Variants in LRP1B observed in about 807,000 individuals in gnomAD.
LRP1B encodes the protein LDL receptor related protein 1B.
Under a neutral mutation model 556.6 loss-of-function variants are expected in LRP1B, and 217 were observed. The ratio of observed to expected loss-of-function variants is 0.39; its 90% confidence interval spans 0.35 to 0.44. LRP1B has a LOEUF of 0.44. LRP1B is among the 20% of genes least tolerant of loss of function. LRP1B has a pLI of 1.00. For missense variants in LRP1B, 5,053 were observed against 5,620.8 expected, an observed-to-expected ratio of 0.90 and a Z score of 3.23; for synonymous variants, 2,047 against 1,865.8, an observed-to-expected ratio of 1.10 and a Z score of -2.50.
chr2:140,661,376 T>C (rs1685085591), intron 41 of LRP1B, among the ~76,000 whole-genome samples: 1 of 151,742 alleles, frequency 6.6e-6, no homozygotes. Flanking sequence ...GTTTAAAAAT[T>C]GGGCTGGGCA....
At chr2:140,850,953 G>GTTT (rs1199344469) in intron 28 of LRP1B, among the ~76,000 whole-genome samples, 1 of 151,968 alleles carries the variant, frequency 6.6e-6, no homozygotes, top group African/African-American at 2.4e-5. Flanking sequence ...TGTTGTTGTT[G>GTTT]TCTTTCAGGT....
chr2:140,242,075 G>A (rs1328507490), intron 87 of LRP1B, among the ~76,000 whole-genome samples: 6 of 150,984 alleles, frequency 4.0e-5, no homozygotes, highest in Admixed American at 2.0e-4. Context: ...CCTTTCCATA[G>A]GAGAGCTAGT....
chr2:140,380,602 C>A (rs905629134), intron 67 of LRP1B, among the ~76,000 whole-genome samples: 7 of 152,188 alleles, frequency 4.6e-5, no homozygotes, highest in Non-Finnish European at 8.8e-5. Context: ...ACATGTCGTG[C>A]TTACATGTTT....
At chr2:141,932,883 C>T (rs1700543351) in intron 1 of LRP1B, among the ~76,000 whole-genome samples, 1 of 151,916 alleles carries the variant, frequency 6.6e-6, no homozygotes, top group Non-Finnish European at 1.5e-5. Flanking sequence ...TTTACATTTT[C>T]TGATTAATAT....
At chr2:140,543,608 A>G (rs1394227586) in intron 43 of LRP1B, among the ~76,000 whole-genome samples, 1 of 151,962 alleles carries the variant, frequency 6.6e-6, no homozygotes, top group African/African-American at 2.4e-5. Context: ...GAGGCACAAA[A>G]CAGGGGTGAT....
At chr2:140,786,568 G>C (rs1175747418) in intron 32 of LRP1B, among the ~76,000 whole-genome samples, 2 of 152,150 alleles carry the variant, frequency 1.3e-5, no homozygotes, top group Non-Finnish European at 2.9e-5. Context: ...TTGTGGCAGT[G>C]ACAGAATAGA....
At chr2:140,810,706 T>C (rs1437082000) in intron 32 of LRP1B, among the ~76,000 whole-genome samples, 1 of 152,138 alleles carries the variant, frequency 6.6e-6, no homozygotes, top group African/African-American at 2.4e-5. Context: ...GTATGTCCAG[T>C]TAACATATTG....
Position 140,370,742 on chromosome 2 carries a change from A to C in LRP1B, c.10976T>G (p.Val3659Gly), listed in dbSNP as rs1287606786. 6.2e-7 allele frequency: 1 copy of C among 1,612,912 alleles called. No individual in the cohort carries two copies. Among genetic ancestry groups the C allele is most frequent in the South Asian group, 1.1e-5 (1 of 91,050 alleles). The change falls in exon 71 of 91, where the codon GTG becomes GGG. Residue 3659 changes from valine to glycine, a missense_variant. Around this residue, in one of 5 missense-constraint regions of LRP1B, gnomAD observed 599 missense variants for 648.4 expected, o/e 0.92. Coordinates refer to ENST00000389484, the MANE Select transcript of LRP1B (RefSeq NM_018557.3). ...RWLCDGIHDC[V>G]DGSDEENCER... Reference sequence around the variant, plus strand: ...ACAGTTCTCTTCATCACTGCCATCCACACAGTCATGAATTCCATCACACAG... The same window carrying C: ...ACAGTTCTCTTCATCACTGCCATCCCCACAGTCATGAATTCCATCACACAG...
chr2:141,871,654 GC>G (rs1698590740), intron 1 of LRP1B, among the ~76,000 whole-genome samples: 1 of 152,078 alleles, frequency 6.6e-6, no homozygotes, highest in Admixed American at 6.6e-5. Flanking sequence ...AGTGTTGAAT[GC>G]TAAATTGTAT....
intron 2 of LRP1B, among the ~76,000 whole-genome samples, chr2:141,573,232 A>T (rs1000704687): frequency 6.6e-6 from 1 of 152,202 alleles, no homozygotes; most frequent in African/African-American, 2.4e-5. Flanking sequence ...AAATAACTGA[A>T]ATCATAACAG....
chr2:140,819,287 A>C (rs1404056708), intron 31 of LRP1B, among the ~76,000 whole-genome samples: 8 of 152,186 alleles, frequency 5.3e-5, no homozygotes, highest in Non-Finnish European at 1.2e-4. Context: ...TAATTTGGAG[A>C]TAATCTAATT....
At chr2:141,585,905 C>T (rs961461413) in intron 2 of LRP1B, among the ~76,000 whole-genome samples, 6 of 145,834 alleles carry the variant, frequency 4.1e-5, no homozygotes, top group Non-Finnish European at 7.5e-5. Context: ...TTTTTTAAGA[C>T]GAGGGTCTCG....
At chr2:141,961,155 G>A (rs191863787) in intron 1 of LRP1B, among the ~76,000 whole-genome samples, 15 of 151,496 alleles carry the variant, frequency 9.9e-5, no homozygotes, top group African/African-American at 3.6e-4. Context: ...AGGTAATTTG[G>A]CCAAATTAAA....
chr2:140,582,293 T>C (rs1681799573), intron 43 of LRP1B, among the ~76,000 whole-genome samples: 1 of 152,116 alleles, frequency 6.6e-6, no homozygotes, highest in South Asian at 2.1e-4. Context: ...TGTTCTCAGA[T>C]TGGGGTTAGG....
intron 7 of LRP1B, among the ~76,000 whole-genome samples, chr2:141,121,002 A>G (rs1701033543): frequency 6.6e-6 from 1 of 152,180 alleles, no homozygotes; most frequent in South Asian, 2.1e-4. Context: ...AGGGTTGGTT[A>G]GCTTCTGGGC....
At chr2:141,808,082 G>T (rs1301700210) in intron 2 of LRP1B, among the ~76,000 whole-genome samples, 5 of 152,004 alleles carry the variant, frequency 3.3e-5, no homozygotes, top group Admixed American at 3.3e-4. Flanking sequence ...GCTCCCTCTT[G>T]AGCACAAAGG....
intron 62 of LRP1B, among the ~76,000 whole-genome samples, chr2:140,454,268 C>T (rs1222091389): frequency 6.6e-6 from 1 of 152,022 alleles, no homozygotes; most frequent in African/African-American, 2.4e-5. Flanking sequence ...CATGCCTCAC[C>T]CTCCCAAGTA....
intron 16 of LRP1B, among the ~76,000 whole-genome samples, chr2:140,993,792 G>A (rs973348275): frequency 6.6e-6 from 1 of 152,024 alleles, no homozygotes; most frequent in Non-Finnish European, 1.5e-5. Flanking sequence ...ATGAAGGATG[G>A]AAAAGGATGA....
At chr2:141,251,719 G>A (rs1684268228) in intron 4 of LRP1B, among the ~76,000 whole-genome samples, 1 of 152,018 alleles carries the variant, frequency 6.6e-6, no homozygotes, top group South Asian at 2.1e-4. Context: ...AGCATGGGTG[G>A]ATATACAAGT....
Sources: allele counts gnomAD v4.1 joint callset (sites outside exome capture counted in the v4.1 genomes callset), GRCh38; gene constraint gnomAD v4.1.1; regional missense constraint gnomAD v4.1.1; transcripts MANE v1.5; gene names NCBI Gene and HGNC (gene_info 2026-07-23, HGNC 2026-07-21).